SGPP2: variants seen among roughly 807,000 people sequenced by gnomAD.
SGPP2 encodes sphingosine-1-phosphate phosphatase 2, also known as sphingosine 1-phosphate phosphohydrolase 2.
SGPP2 carries 30 observed loss-of-function variants against 33.9 expected under a neutral mutation model. That is an observed-to-expected ratio of 0.89 (90% confidence interval 0.66 to 1.20). The LOEUF (loss-of-function observed/expected upper bound fraction) is 1.20, where lower values mean the gene tolerates loss of function less well. Ranked by LOEUF, SGPP2 falls within the 50% of genes most tolerant of loss-of-function variation. The probability of loss-of-function intolerance (pLI) is 0.00; values close to 1 mark genes in which losing one functional copy is unlikely to be tolerated. For missense variants in SGPP2, 458 were observed against 532.1 expected (o/e 0.86, Z 1.37); for synonymous variants, 233 against 225.0 (o/e 1.04, Z -0.32).
At chr2:222,511,321 A>G (rs1337816753) in intron 2 of SGPP2, among the ~76,000 whole-genome samples, 1 of 152,176 alleles carries the variant, frequency 6.6e-6, no homozygotes, top group African/African-American at 2.4e-5. Context: ...CTATCTATAT[A>G]TTACATTTAT....
At chr2:222,457,189 GT>G (rs142633187) in intron 1 of SGPP2, among the ~76,000 whole-genome samples, 2,027 of 147,398 alleles carry the variant, frequency 0.014, 34 homozygotes, top group African/African-American at 0.046. Context: ...TTCATTTCCT[GT>G]TTTTTTTTTA....
chr2:222,537,102 C>A (rs1443180639), intron 4 of SGPP2, among the ~76,000 whole-genome samples: 2 of 152,206 alleles, frequency 1.3e-5, no homozygotes, highest in African/African-American at 4.8e-5. Context: ...GTGTCAGGGG[C>A]AAACTGTGTG....
intron 1 of SGPP2, among the ~76,000 whole-genome samples, chr2:222,431,962 G>A (rs572864969): frequency 2.0e-5 from 3 of 152,350 alleles, no homozygotes; most frequent in East Asian, 1.9e-4. Flanking sequence ...CCCACCCAGC[G>A]CAGGTTGCAT....
intron 1 of SGPP2, among the ~76,000 whole-genome samples, chr2:222,439,988 T>C (rs1187550815): frequency 6.6e-6 from 1 of 152,242 alleles, no homozygotes; most frequent in Admixed American, 6.5e-5. Context: ...GGGACAACTC[T>C]CTACTACCTT....
chr2:222,456,617 G>A (rs1697578210), intron 1 of SGPP2, among the ~76,000 whole-genome samples: 1 of 152,208 alleles, frequency 6.6e-6, no homozygotes, highest in Non-Finnish European at 1.5e-5. Context: ...AAGCTGGAGA[G>A]TTCCCACAAG....
In SGPP2 at chr2:222,538,762, G is replaced by C. The variant is rs542758833; in HGVS notation, c.648+13729G>C. Among the ~76,000 whole-genome samples the C allele has an allele frequency of 8.5e-5, 13 of 152,278 alleles. 1 individual carries two copies. The South Asian group carries it at 2.5e-3, about 29-fold the overall frequency. On this transcript the variant is annotated intron_variant, in intron 4 of 4. Transcript: ENST00000321276. ...ACATGGCCAGAGCAGGAGCAAGAAA[G>C]AGAGTGGGGAGGTGCCACACACTTT...
At chr2:222,440,638 G>A (rs1337558163) in intron 1 of SGPP2, among the ~76,000 whole-genome samples, 1 of 152,078 alleles carries the variant, frequency 6.6e-6, no homozygotes, top group Non-Finnish European at 1.5e-5. Context: ...ACCACGCCTG[G>A]CTGTTTTTTA....
intron 2 of SGPP2, chr2:222,503,755 A>G (rs1470327220): frequency 6.6e-6 from 1 of 152,104 alleles, no homozygotes; most frequent in Non-Finnish European, 1.5e-5. Context: ...TGGGACCTGT[A>G]TAGAGAGAAA....
At chr2:222,486,935 A>G (rs186501399) in intron 2 of SGPP2, among the ~76,000 whole-genome samples, 1 of 152,326 alleles carries the variant, frequency 6.6e-6, no homozygotes, top group East Asian at 1.9e-4. Flanking sequence ...ATTTTTAAAA[A>G]TTAAAATTTT....
chr2:222,506,607 C>A (rs1266983434), intron 2 of SGPP2, among the ~76,000 whole-genome samples: 10 of 152,076 alleles, frequency 6.6e-5, no homozygotes, highest in African/African-American at 2.2e-4. Context: ...AATATGTGTT[C>A]ATCAGTCGTT....
chr2:222,440,359 T>TC (rs1324988717), intron 1 of SGPP2, among the ~76,000 whole-genome samples: 1 of 151,666 alleles, frequency 6.6e-6, no homozygotes, highest in East Asian at 1.9e-4. Context: ...TTTGTTTTTT[T>TC]TTGAGACGGA....
chr2:222,424,543 G>A lies in SGPP2; in HGVS notation c.-60G>A. On this transcript the variant is annotated 5_prime_UTR_variant, in exon 1 of 5. Coordinates refer to ENST00000321276, the MANE Select transcript of SGPP2 (RefSeq NM_152386.4). ...GCGGGGGCGAGGCGGGAGTGGCGGTGCCAGCGGAGGGCACCGGCCCGGCGT... is the reference window on the plus strand; with the variant it reads ...GCGGGGGCGAGGCGGGAGTGGCGGTACCAGCGGAGGGCACCGGCCCGGCGT... The A allele has an allele frequency of 2.7e-6, 3 of 1,128,408 alleles. No homozygotes were observed. Among genetic ancestry groups the A allele is most frequent in the Non-Finnish European group, 3.3e-6 (3 of 901,520 alleles). 69.9% of individuals were successfully genotyped at this position (1,128,408 alleles called of 1,614,324 possible). A position where few individuals can be genotyped will look rare whatever the true frequency, so the allele number is the denominator to read the frequency against.
rs1253474720 is a variant in SGPP2 at position 222,460,923 on chromosome 2, A to G, written c.220-13645A>G. 6.6e-6 allele frequency among the ~76,000 whole-genome samples: 1 copy of G among 151,966 alleles called. No individual in the cohort carries two copies. The highest frequency in any genetic ancestry group is 1.5e-5 in the Non-Finnish European group (1 of 68,016). On this transcript the variant is annotated intron_variant, in intron 1 of 4. Transcript: ENST00000321276. This position sits in a 1 kb window ranked among gnomAD's most constrained non-coding sequence, Gnocchi z 4.3. ...CTCTTTAAATTAATTAAGCAATGGG[A>G]TCTCACTCTGTTGCCCAGGCTGAAG...
At chr2:222,482,521 C>A (rs1187867919) in intron 2 of SGPP2, among the ~76,000 whole-genome samples, 3 of 152,104 alleles carry the variant, frequency 2.0e-5, no homozygotes, top group African/African-American at 7.2e-5. Context: ...CTCAGCCTCC[C>A]AAGTAGCTGG....
At chr2:222,441,410 G>A (rs749044682) in intron 1 of SGPP2, among the ~76,000 whole-genome samples, 1 of 152,138 alleles carries the variant, frequency 6.6e-6, no homozygotes, top group Non-Finnish European at 1.5e-5. Flanking sequence ...TATTATAAAA[G>A]TAATTAAAAT....
At chr2:222,474,838 T>G in intron 2 of SGPP2, 112 bp downstream of exon 2, 1 of 910,950 alleles carries the variant, frequency 1.1e-6, no homozygotes, top group Non-Finnish European at 1.6e-6. Flanking sequence ...TTTTACCACT[T>G]AGAGTTGAAT....
chr2:222,514,903 C>T (rs1187938989), intron 2 of SGPP2, among the ~76,000 whole-genome samples: 2 of 152,096 alleles, frequency 1.3e-5, no homozygotes, highest in Non-Finnish European at 2.9e-5. Context: ...ACCACTTCCA[C>T]ATGCCTGATC....
intron 1 of SGPP2, among the ~76,000 whole-genome samples, chr2:222,448,073 C>T (rs949161347): frequency 1.3e-4 from 20 of 152,144 alleles, no homozygotes; most frequent in African/African-American, 4.8e-4. Flanking sequence ...CAGAACCTTG[C>T]TTATGATCTA....
chr2:222,506,192 C>T (rs970435765), intron 2 of SGPP2, among the ~76,000 whole-genome samples: 15 of 152,214 alleles, frequency 9.9e-5, no homozygotes, highest in African/African-American at 3.6e-4. Flanking sequence ...ATCACCTCCA[C>T]GTGAACAGTT....
Sources: allele counts gnomAD v4.1 joint callset (sites outside exome capture counted in the v4.1 genomes callset), GRCh38; gene constraint gnomAD v4.1.1; non-coding constraint Gnocchi (gnomAD v3.1); transcripts MANE v1.5; gene names NCBI Gene and HGNC (gene_info 2026-07-23, HGNC 2026-07-21).